The following PZP variants were observed in gnomAD, a reference collection of about 807,000 sequenced individuals.
PZP encodes pregnancy zone protein.
In PZP, 150 loss-of-function variants were observed where a neutral mutation model predicts 179.8. The observed-to-expected ratio is 0.83, with a 90% CI of 0.73 to 0.96. The LOEUF (loss-of-function observed/expected upper bound fraction) is 0.96. PZP is among the 40% of genes least tolerant of loss of function. The probability of loss-of-function intolerance (pLI) is 0.00; values close to 1 mark genes in which losing one functional copy is unlikely to be tolerated. For missense variants in PZP, 1,689 were observed against 1,764.0 expected (o/e 0.96, Z 0.76); for synonymous variants, 624 against 652.3 (o/e 0.96, Z 0.66).
intron 15 of PZP, among the ~76,000 whole-genome samples, chr12:9,171,669 C>G (rs186710147): frequency 6.6e-6 from 1 of 152,116 alleles, no homozygotes; most frequent in Admixed American, 6.5e-5. Context: ...AGCTGAAAAC[C>G]GCATCTCAAG....
chr12:9,189,216 G>C (rs903256041), intron 13 of PZP, among the ~76,000 whole-genome samples: 1 of 152,108 alleles, frequency 6.6e-6, no homozygotes, highest in Non-Finnish European at 1.5e-5. Context: ...AAAGAAGAAA[G>C]GAGGAGGCAT....
chr12:9,169,364 A>G, intron 16 of PZP, 66 bp downstream of exon 16: 1 of 1,392,338 alleles, frequency 7.2e-7, no homozygotes. Flanking sequence ...TTATGAATAG[A>G]TACAGAGTTT....
At position 9,152,813 on chromosome 12, in the gene PZP, G is replaced by A; in HGVS notation, c.4121+11C>T. 1.9e-6 allele frequency: 3 copies of A among 1,613,560 alleles called. No homozygotes were observed. Among genetic ancestry groups the A allele is most frequent in the Non-Finnish European group, 2.5e-6 (3 of 1,179,774 alleles). ...GGGCCAAAGATAGGTGATTAGGTTA[G>A]AACGTCTTACCTGATGGTCAGTGAG... On this transcript the variant is annotated intron_variant, in intron 31 of 35. Coordinates refer to ENST00000261336, the MANE Select transcript of PZP (RefSeq NM_002864.3).
chr12:9,181,378 A>G (rs1278962561), intron 14 of PZP, among the ~76,000 whole-genome samples: 1 of 152,240 alleles, frequency 6.6e-6, no homozygotes, highest in Non-Finnish European at 1.5e-5. Context: ...TAAAAGGTAC[A>G]TGACTTCCCT....
intron 10 of PZP, among the ~76,000 whole-genome samples, chr12:9,196,036 A>G (rs375568384): frequency 5.5e-4 from 84 of 152,276 alleles, no homozygotes; most frequent in Non-Finnish European, 1.0e-3. Context: ...TAGAAATATC[A>G]TTTATTCTAA....
chr12:9,154,197 G>C (rs140214080), intron 29 of PZP, among the ~76,000 whole-genome samples: 20 of 152,274 alleles, frequency 1.3e-4, no homozygotes, highest in African/African-American at 4.6e-4. Context: ...ATTTTTTCTT[G>C]TTTCAACTGG....
chr12:9,151,539 A>G, intron 33 of PZP, 65 bp downstream of exon 33: 1 of 1,329,076 alleles, frequency 7.5e-7, no homozygotes, highest in Middle Eastern at 1.8e-4. Flanking sequence ...CGACTATTCT[A>G]GTAAAGAGAC....
At chr12:9,207,345 C>T (rs928811410) in intron 1 of PZP, among the ~76,000 whole-genome samples, 1 of 152,144 alleles carries the variant, frequency 6.6e-6, no homozygotes, top group African/African-American at 2.4e-5. Flanking sequence ...TATTATTGGA[C>T]CCAAGAGTTC....
chr12:9,164,313 A>G lies in PZP; in HGVS notation c.2488-54T>C, dbSNP rs890246146. ...AATGATCAGAATATGGAACGACACG[A>G]ACACATAGAATTGGGGCCAAGTGTG... On this transcript the variant is annotated intron_variant, in intron 19 of 35. Coordinates refer to ENST00000261336, the MANE Select transcript of PZP (RefSeq NM_002864.3). 2.6e-6 allele frequency: 4 copies of G among 1,558,046 alleles called. No homozygotes were observed. In the Middle Eastern group the frequency reaches 5.4e-4, roughly 211 times the overall value.
intron 1 of PZP, among the ~76,000 whole-genome samples, chr12:9,206,892 C>T (rs1944462574): frequency 6.6e-6 from 1 of 152,314 alleles, no homozygotes; most frequent in South Asian, 2.1e-4. Flanking sequence ...ATACACGCTA[C>T]TCGCTTTATC....
At chr12:9,139,373 T>G in the PZP span, among the ~76,000 whole-genome samples, 2 of 152,304 alleles carry the variant, frequency 1.3e-5, no homozygotes, top group Admixed American at 1.3e-4. Context: ...AGGATCTGAG[T>G]GCACATGAGA....
chr12:9,176,998 A>G (rs1942411441), intron 15 of PZP, among the ~76,000 whole-genome samples: 1 of 152,210 alleles, frequency 6.6e-6, no homozygotes. Flanking sequence ...AGGATCGAGT[A>G]TATTTTACAT....
At chr12:9,162,390 C>T in intron 22 of PZP, 1 of 540,704 alleles carries the variant, frequency 1.8e-6, no homozygotes, top group Non-Finnish European at 3.3e-6. Context: ...GGTATTAGTC[C>T]TGTCTGTACC....
At chr12:9,191,446 T>C (rs1943450163) in intron 13 of PZP, among the ~76,000 whole-genome samples, 1 of 152,016 alleles carries the variant, frequency 6.6e-6, no homozygotes, top group Non-Finnish European at 1.5e-5. Context: ...AATGCATAAA[T>C]TTTAACTTTC....
At position 9,203,868 on chromosome 12, in the gene PZP, G is replaced by A. The variant is rs1944315497; in HGVS notation, c.167C>T (p.Thr56Ile). The A allele has an allele frequency of 1.9e-6, 3 of 1,614,162 alleles. No individual in the cohort carries two copies. Among genetic ancestry groups the A allele is most frequent in the South Asian group, 2.2e-5 (2 of 91,078 alleles). The change falls in exon 2 of 36, where the codon ACA becomes ATA. Residue 56 changes from threonine to isoleucine, a missense_variant. Physicochemically the swap from Thr to Ile is moderately conservative, Grantham distance 89 (BLOSUM62 -1). Transcript: ENST00000261336. ...CTCCAAGGAAGCACTTACAGTCACT[G>A]TCTCATTCAGGTGGCTCAGAAGGAC... ...GCVLLSHLNE[T>I]VTVSASLESG...
intron 13 of PZP, among the ~76,000 whole-genome samples, chr12:9,188,004 G>A (rs1293190579): frequency 2.6e-5 from 4 of 152,256 alleles, no homozygotes; most frequent in South Asian, 2.1e-4. Context: ...CCCATGAGGA[G>A]AAGTGGGACT....
chr12:9,193,777 A>T (rs1230963149), intron 11 of PZP, among the ~76,000 whole-genome samples: 1 of 152,128 alleles, frequency 6.6e-6, no homozygotes, highest in African/African-American at 2.4e-5. Context: ...AAATAACATA[A>T]AACAAAGTAC....
intron 15 of PZP, among the ~76,000 whole-genome samples, chr12:9,179,597 C>G (rs780093069): frequency 6.6e-6 from 1 of 152,264 alleles, no homozygotes; most frequent in South Asian, 2.1e-4. Context: ...CCCAACAACT[C>G]TACAGACATA....
At chr12:9,137,915 A>T in the PZP span, among the ~76,000 whole-genome samples, 5 of 152,050 alleles carry the variant, frequency 3.3e-5, no homozygotes, top group African/African-American at 1.2e-4. Flanking sequence ...ACAGTTTTTT[A>T]AAATGGAGCC....
Sources: gnomAD v4.1 joint callset for allele counts (sites outside exome capture counted in the v4.1 genomes callset) on GRCh38, gnomAD v4.1.1 for gene constraint, MANE v1.5 for transcripts, NCBI Gene and HGNC (gene_info 2026-07-23, HGNC 2026-07-21) for gene names.